The following VGLL4 variants were observed in gnomAD, a reference collection of about 807,000 sequenced individuals.
VGLL4 encodes the protein transcription cofactor vestigial-like protein 4.
Under a neutral mutation model 21.0 loss-of-function variants are expected in VGLL4, and 7 were observed. That is an observed-to-expected ratio of 0.33 (90% CI 0.19 to 0.63). The LOEUF (loss-of-function observed/expected upper bound fraction) is 0.63, where lower values mean the gene tolerates loss of function less well. VGLL4 is among the 20% of genes least tolerant of loss of function. The probability of loss-of-function intolerance (pLI) is 0.78; values close to 1 mark genes in which losing one functional copy is unlikely to be tolerated. For missense variants in VGLL4, 394 were observed against 425.7 expected (o/e 0.93, Z 0.66); for synonymous variants, 222 against 173.2 (o/e 1.28, Z -2.21).
In VGLL4 at chr3:11,556,397, C is replaced by A. The variant is rs546152688; in HGVS notation, c.*2159G>T. 1 of 152,906 alleles carries A rather than the reference C, an allele frequency of 6.5e-6. No homozygotes were observed. Among genetic ancestry groups the A allele is most frequent in the Admixed American group, 6.5e-5 (1 of 15,268 alleles). 9.5% of individuals were successfully genotyped at this position (152,906 alleles called of 1,614,324 possible). A position where few individuals can be genotyped will look rare whatever the true frequency, so the allele number is the denominator to read the frequency against. Reference sequence around the variant, plus strand: ...CCAGGGACCCGGCCGCCAGCACCGCCGACCCCTCCCAGAGTGACGCCCTTG... The same window carrying A: ...CCAGGGACCCGGCCGCCAGCACCGCAGACCCCTCCCAGAGTGACGCCCTTG... On this transcript the variant is annotated 3_prime_UTR_variant, in exon 5 of 5. Transcript: ENST00000430365.
intron 2 of VGLL4, among the ~76,000 whole-genome samples, chr3:11,580,127 CT>C: frequency 6.6e-6 from 1 of 152,338 alleles, no homozygotes; most frequent in East Asian, 1.9e-4. Context: ...GTCTCCAGAA[CT>C]TTTTCCTCTT....
At chr3:11,624,055 T>C (rs1279478360) in intron 1 of VGLL4, among the ~76,000 whole-genome samples, 2 of 152,188 alleles carry the variant, frequency 1.3e-5, no homozygotes, top group African/African-American at 4.8e-5. Context: ...TTTTCCTTAT[T>C]GTTTTTCATC....
intron 2 of VGLL4, among the ~76,000 whole-genome samples, chr3:11,680,712 C>T (rs562947827): frequency 3.3e-5 from 5 of 152,334 alleles, no homozygotes; most frequent in South Asian, 2.1e-4. Flanking sequence ...CCCACACTCA[C>T]GTGGCATAAT....
chr3:11,636,661 C>CCTAA (rs1170529358), intron 1 of VGLL4, among the ~76,000 whole-genome samples: 3 of 152,132 alleles, frequency 2.0e-5, no homozygotes, highest in Non-Finnish European at 4.4e-5. Context: ...CTGTTCAGGC[C>CCTAA]CTAAGTAAGC....
At chr3:11,694,378 T>C (rs771354614) in intron 2 of VGLL4, among the ~76,000 whole-genome samples, 2 of 152,126 alleles carry the variant, frequency 1.3e-5, no homozygotes, top group Non-Finnish European at 2.9e-5. Context: ...CCCAGCACTT[T>C]GGGAGGCCAA....
chr3:11,634,763 C>T (rs757067842), intron 1 of VGLL4, among the ~76,000 whole-genome samples: 7 of 151,962 alleles, frequency 4.6e-5, no homozygotes, highest in African/African-American at 1.5e-4. Flanking sequence ...CTGCAACCGC[C>T]GCCTCCCAGG....
intron 1 of VGLL4, 134 bp from the exon 2 acceptor site, chr3:11,602,156 C>T (rs1183023995): frequency 1.1e-5 from 8 of 713,244 alleles, no homozygotes; most frequent in Non-Finnish European, 1.7e-5. Context: ...GGGACGGGGC[C>T]GCCTGCCATC....
chr3:11,691,286 C>T lies in VGLL4; in HGVS notation c.64+11685G>A, dbSNP rs969956226. Among the ~76,000 whole-genome samples the T allele has an allele frequency of 7.3e-5, 11 of 150,822 alleles. No individual in the cohort carries two copies. In the Admixed American group the frequency reaches 7.3e-4, roughly 10 times the overall value. ...TCCTGGCAAGAGGACTATTGTCTCA[C>T]TCACATGGAATTTTAAAAATCTGAA... On this transcript the variant is annotated intron_variant, in intron 2 of 5. Transcript: ENST00000273038.
upstream of VGLL4, among the ~76,000 whole-genome samples, chr3:11,646,112 T>C (rs2075786905): frequency 6.6e-6 from 1 of 152,228 alleles, no homozygotes; most frequent in South Asian, 2.1e-4. Context: ...CTTTCATTTA[T>C]AAGAATATTT....
chr3:11,638,491 G>A (rs1304847699), intron 1 of VGLL4, among the ~76,000 whole-genome samples: 2 of 152,110 alleles, frequency 1.3e-5, no homozygotes, highest in Non-Finnish European at 2.9e-5. Context: ...ACCTGGGCAT[G>A]TTTTACTAAC....
intron 2 of VGLL4, among the ~76,000 whole-genome samples, chr3:11,687,279 T>C (rs1559944953): frequency 6.6e-6 from 1 of 152,254 alleles, no homozygotes; most frequent in Non-Finnish European, 1.5e-5. Context: ...TTAATTTGAA[T>C]GTAACTGACA....
intron 2 of VGLL4, among the ~76,000 whole-genome samples, chr3:11,586,228 T>A (rs2074358500): frequency 6.6e-6 from 1 of 152,202 alleles, no homozygotes; most frequent in South Asian, 2.1e-4. Context: ...ATAAAGCAAA[T>A]ACGGGCAAAT....
intron 2 of VGLL4, among the ~76,000 whole-genome samples, chr3:11,665,060 CAAATGCTGTTCACCA>C (rs1263942794): frequency 6.7e-6 from 1 of 149,074 alleles, no homozygotes; most frequent in Non-Finnish European, 1.5e-5. Flanking sequence ...AATAAAGTTC[CAAATGCTGTTCACCA>C]AAATGAAAGC....
At chr3:11,666,812 A>G (rs2076133374) in intron 2 of VGLL4, among the ~76,000 whole-genome samples, 1 of 152,184 alleles carries the variant, frequency 6.6e-6, no homozygotes, top group African/African-American at 2.4e-5. Flanking sequence ...CCTTACAAAG[A>G]AATTCACTGT....
At chr3:11,711,764 C>G (rs1349086725) in intron 1 of VGLL4, among the ~76,000 whole-genome samples, 1 of 152,006 alleles carries the variant, frequency 6.6e-6, no homozygotes, top group Non-Finnish European at 1.5e-5. Flanking sequence ...GGTATCTCCT[C>G]TATTAAAACA....
intron 1 of VGLL4, among the ~76,000 whole-genome samples, chr3:11,630,972 G>A (rs1453694998): frequency 6.6e-6 from 1 of 152,152 alleles, no homozygotes; most frequent in Non-Finnish European, 1.5e-5. Flanking sequence ...CATTATAGTT[G>A]AAAACCGGAA....
In VGLL4 at chr3:11,719,214, C is replaced by G. The variant is rs1318448689; in HGVS notation, c.-14+1180G>C. ...CGCGGGCCTCCTCGCCCGCCCCGAG[C>G]CTCCGACTCCCAGGACGTCCTCCGG... On this transcript the variant is annotated intron_variant, in intron 1 of 5. Coordinates refer to the VGLL4 transcript ENST00000273038. The surrounding 1 kb of genome is among the most constrained non-coding windows in gnomAD (Gnocchi z 4.0). Among the ~76,000 whole-genome samples the G allele has an allele frequency of 6.6e-6, 1 of 152,084 alleles. No individual in the cohort carries two copies. The highest frequency in any genetic ancestry group is 2.4e-5 in the African/African-American group (1 of 41,420).
intron 2 of VGLL4, among the ~76,000 whole-genome samples, chr3:11,655,660 A>T (rs2075946813): frequency 6.6e-6 from 1 of 152,256 alleles, no homozygotes; most frequent in East Asian, 1.9e-4. Context: ...TAGGGTGGGG[A>T]GTGCGGGGAC....
rs894089383 is a variant in VGLL4 at position 11,593,382 on chromosome 3, C to A, written c.272+8451G>T. ...AAAGATAAAGAAAATCCAGGGAAAA[C>A]CCCCAATCCCATTTTAGCCAATCAT... On this transcript the variant is annotated intron_variant, in intron 2 of 4. Transcript: ENST00000430365. Among the ~76,000 whole-genome samples the A allele has an allele frequency of 3.9e-5, 6 of 152,124 alleles. No homozygotes were observed. In the South Asian group the frequency reaches 1.2e-3, roughly 32 times the overall value.
Sources: allele counts gnomAD v4.1 joint callset (sites outside exome capture counted in the v4.1 genomes callset), GRCh38; gene constraint gnomAD v4.1.1; non-coding constraint Gnocchi (gnomAD v3.1); transcripts MANE v1.5; gene names NCBI Gene and HGNC (gene_info 2026-07-23, HGNC 2026-07-21).